The following KIF6 variants were observed in gnomAD, a reference collection of about 807,000 sequenced individuals.
KIF6 encodes the protein kinesin-like protein KIF6.
Under a neutral mutation model 112.7 loss-of-function variants are expected in KIF6, and 106 were observed. The observed-to-expected ratio is 0.94, with a 90% CI of 0.80 to 1.11. KIF6 has a LOEUF of 1.11. Among genes scored for constraint, KIF6 ranks in the 50% least tolerant of loss-of-function variants. The pLI, the probability that KIF6 is intolerant of heterozygous loss-of-function variation, is 0.00. For missense variants in KIF6, 929 were observed against 964.0 expected, an observed-to-expected ratio of 0.96 and a Z score of 0.48; for synonymous variants, 339 against 339.9, an observed-to-expected ratio of 1.00 and a Z score of 0.03.
chr6:39,353,401 G>A (rs1335077335), intron 19 of KIF6, among the ~76,000 whole-genome samples: 1 of 152,010 alleles, frequency 6.6e-6, no homozygotes, highest in African/African-American at 2.4e-5. Flanking sequence ...CAGATCTTTT[G>A]CCCACTTTTA....
Position 39,425,897 on chromosome 6 carries a change from C to T in KIF6, c.1754+5156G>A, listed in dbSNP as rs149134443. The stretch of plus-strand genomic sequence containing the variant: ...GGAGTTACCTCCTGATGGTGCCACA[C>T]GGTTTCTCTCCACCCTCGGTCCGGT... On this transcript the variant is annotated intron_variant, in intron 14 of 22. Transcript: ENST00000287152. Among the ~76,000 whole-genome samples, 690 of 152,078 alleles carry T rather than the reference C, an allele frequency of 4.5e-3. 2 individuals are homozygous for T. Among genetic ancestry groups the T allele is most frequent in the Middle Eastern group, 0.014 (4 of 292 alleles).
chr6:39,475,717 G>C (rs1351212657), intron 13 of KIF6, among the ~76,000 whole-genome samples: 1 of 152,164 alleles, frequency 6.6e-6, no homozygotes, highest in African/African-American at 2.4e-5. Flanking sequence ...CATGACTGTG[G>C]AGGTAGCTCT....
At chr6:39,389,486 C>T (rs1403502464) in intron 15 of KIF6, among the ~76,000 whole-genome samples, 1 of 152,170 alleles carries the variant, frequency 6.6e-6, no homozygotes, top group Non-Finnish European at 1.5e-5. Context: ...TATACACACT[C>T]GTAGAAGGCT....
intron 13 of KIF6, among the ~76,000 whole-genome samples, chr6:39,494,743 C>T (rs1184224696): frequency 6.6e-6 from 1 of 151,114 alleles, no homozygotes; most frequent in African/African-American, 2.4e-5. Context: ...TTAGGTATTC[C>T]CACTATTTTA....
rs112374887 is a variant in KIF6 at position 39,338,040 on chromosome 6, G to C, written c.2429-1492C>G. Among the ~76,000 whole-genome samples the C allele has an allele frequency of 6.5e-4, 99 of 152,310 alleles. 1 individual carries two copies. Among genetic ancestry groups the C allele is most frequent in the African/African-American group, 2.2e-3 (92 of 41,582 alleles). On this transcript the variant is annotated intron_variant, in intron 22 of 22. Coordinates refer to ENST00000287152, the MANE Select transcript of KIF6 (RefSeq NM_145027.6). ...AATCTACAGTTTGACAAAACCTGTCGATTCATTAGCACATTAAAATGTGAG... is the reference window on the plus strand; with the variant it reads ...AATCTACAGTTTGACAAAACCTGTCCATTCATTAGCACATTAAAATGTGAG...
intron 13 of KIF6, among the ~76,000 whole-genome samples, chr6:39,478,043 TA>T: frequency 6.6e-6 from 1 of 152,274 alleles, no homozygotes; most frequent in South Asian, 2.1e-4. Context: ...TATTATTTTT[TA>T]AAAATTTTTC....
At chr6:39,451,944 G>A (rs1416951990) in intron 13 of KIF6, among the ~76,000 whole-genome samples, 1 of 152,150 alleles carries the variant, frequency 6.6e-6, no homozygotes, top group Non-Finnish European at 1.5e-5. Context: ...ATCACACAGA[G>A]GCTCAGTGTG....
intron 13 of KIF6, among the ~76,000 whole-genome samples, chr6:39,461,109 G>C (rs1773447111): frequency 6.6e-6 from 1 of 152,164 alleles, no homozygotes; most frequent in African/African-American, 2.4e-5. Flanking sequence ...AGAGAGTTTT[G>C]CAAGAGGTTA....
chr6:39,511,373 A>G (rs531665505), intron 13 of KIF6, among the ~76,000 whole-genome samples: 1 of 152,366 alleles, frequency 6.6e-6, no homozygotes, highest in Admixed American at 6.5e-5. Flanking sequence ...AAAGAAATGC[A>G]AATCAAAACC....
At chr6:39,537,763 G>A (rs532235566) in intron 13 of KIF6, among the ~76,000 whole-genome samples, 176 of 152,182 alleles carry the variant, frequency 1.2e-3, no homozygotes, top group Middle Eastern at 3.4e-3. Flanking sequence ...CACCAAGTCA[G>A]TCCTAAGCCA....
intron 22 of KIF6, among the ~76,000 whole-genome samples, chr6:39,337,122 TTC>T (rs1762977895): frequency 7.4e-6 from 1 of 134,390 alleles, no homozygotes; most frequent in South Asian, 2.4e-4. Context: ...CTTTCTTTCT[TTC>T]TTTCCTCCTT....
intron 3 of KIF6, among the ~76,000 whole-genome samples, chr6:39,693,075 G>A (rs971078748): frequency 6.6e-6 from 1 of 152,140 alleles, no homozygotes; most frequent in Non-Finnish European, 1.5e-5. Flanking sequence ...GTACAGCTGC[G>A]CTGCCCAGAT....
chr6:39,613,370 T>C (rs1430440624), intron 5 of KIF6, 52 bp from the exon 6 acceptor site: 3 of 1,473,750 alleles, frequency 2.0e-6, no homozygotes, highest in Admixed American at 2.4e-5. Flanking sequence ...TGAAAAGAAC[T>C]TGAAGTCTTC....
chr6:39,521,730 C>A lies in KIF6; in HGVS notation c.1645+18273G>T, dbSNP rs560080263. ...ATCAGAAGCCAGCTGATCTCCTCCA[C>A]CCCCATTCTACCACATCATCCAGGA... On this transcript the variant is annotated intron_variant, in intron 13 of 22. Transcript: ENST00000287152. 5.9e-5 allele frequency among the ~76,000 whole-genome samples: 9 copies of A among 152,288 alleles called. No homozygotes were observed. The South Asian group carries it at 1.7e-3, about 28-fold the overall frequency.
chr6:39,453,599 G>A (rs555273097), intron 13 of KIF6, among the ~76,000 whole-genome samples: 1 of 152,108 alleles, frequency 6.6e-6, no homozygotes, highest in South Asian at 2.1e-4. Flanking sequence ...GGCTATTTTT[G>A]TATGTTCCCC....
intron 3 of KIF6, among the ~76,000 whole-genome samples, chr6:39,700,220 G>A (rs541204728): frequency 7.2e-5 from 11 of 152,226 alleles, no homozygotes; most frequent in African/African-American, 2.4e-4. Flanking sequence ...TCACCCTGTT[G>A]TGCTATTCAA....
chr6:39,397,941 G>A (rs1289851511), intron 15 of KIF6, among the ~76,000 whole-genome samples: 1 of 152,096 alleles, frequency 6.6e-6, no homozygotes, highest in Admixed American at 6.6e-5. Context: ...GAGATGGAGA[G>A]GGAATTGCCA....
chr6:39,431,883 A>C (rs6458116), intron 13 of KIF6, among the ~76,000 whole-genome samples: 26,950 of 152,040 alleles, frequency 0.18, 2,972 homozygotes, highest in African/African-American at 0.29. Context: ...AGTGAGGGTC[A>C]GCGCAGATGT....
At chr6:39,617,509 T>C (rs545118762) in intron 5 of KIF6, among the ~76,000 whole-genome samples, 172 of 152,326 alleles carry the variant, frequency 1.1e-3, no homozygotes, top group African/African-American at 3.8e-3. Flanking sequence ...GTGATTTCTA[T>C]TTTTTATCTA....
Sources: allele counts gnomAD v4.1 joint callset (sites outside exome capture counted in the v4.1 genomes callset), GRCh38; gene constraint gnomAD v4.1.1; transcripts MANE v1.5; gene names NCBI Gene and HGNC (gene_info 2026-07-23, HGNC 2026-07-21).